Variants in PPFIA2 observed in about 807,000 individuals in gnomAD.
PPFIA2 encodes the protein PPFI scaffold protein A2.
A neutral mutation model predicts 175.5 loss-of-function variants in PPFIA2; 46 were observed. That is an observed-to-expected ratio of 0.26 (90% CI 0.21 to 0.34). The LOEUF is 0.34. PPFIA2 is among the 10% of genes least tolerant of loss of function. The probability of loss-of-function intolerance (pLI) is 1.00; values close to 1 mark genes in which losing one functional copy is unlikely to be tolerated. For synonymous variants in PPFIA2, 568 were observed against 511.4 expected, an observed-to-expected ratio of 1.11 and a Z score of -1.49; for missense variants, 1,179 against 1,506.1, an observed-to-expected ratio of 0.78 and a Z score of 3.60.
intron 3 of PPFIA2, among the ~76,000 whole-genome samples, chr12:81,678,850 T>C (rs528778316): frequency 2.0e-5 from 3 of 151,950 alleles, no homozygotes; most frequent in Middle Eastern, 3.4e-3. Flanking sequence ...AATATCCTAA[T>C]TATATCGGCA....
intron 2 of PPFIA2, among the ~76,000 whole-genome samples, chr12:81,755,055 A>G (rs1326158368): frequency 6.6e-6 from 1 of 152,186 alleles, no homozygotes; most frequent in Non-Finnish European, 1.5e-5. Flanking sequence ...CAAACAATAC[A>G]AACTAGCACT....
At chr12:81,325,450 G>T (rs975451602) in intron 22 of PPFIA2, among the ~76,000 whole-genome samples, 1 of 152,008 alleles carries the variant, frequency 6.6e-6, no homozygotes, top group South Asian at 2.1e-4. Context: ...AAGCTAGATG[G>T]TATAATCTCA....
chr12:81,431,697 A>G (rs970180675), intron 7 of PPFIA2, among the ~76,000 whole-genome samples: 1 of 152,150 alleles, frequency 6.6e-6, no homozygotes, highest in African/African-American at 2.4e-5. Flanking sequence ...TTTTAAATCT[A>G]TCCTTAAACA....
chr12:81,378,071 C>T (rs2036794865), intron 9 of PPFIA2: 1 of 152,146 alleles, frequency 6.6e-6, no homozygotes, highest in African/African-American at 2.4e-5. Flanking sequence ...AGTTGTACTG[C>T]TACCAGCCAA....
chr12:81,648,743 G>A (rs10778819), intron 4 of PPFIA2, among the ~76,000 whole-genome samples: 70,007 of 151,566 alleles, frequency 0.46, 17,579 homozygotes, highest in Middle Eastern at 0.6. Context: ...TCAAGGATTA[G>A]TATAAAATTG....
At chr12:81,497,255 A>G (rs2060116756) in intron 4 of PPFIA2, among the ~76,000 whole-genome samples, 1 of 152,170 alleles carries the variant, frequency 6.6e-6, no homozygotes, top group South Asian at 2.1e-4. Flanking sequence ...AAGCAATTGC[A>G]CCAAGCCCAC....
intron 4 of PPFIA2, among the ~76,000 whole-genome samples, chr12:81,523,432 C>T (rs566400626): frequency 1.3e-5 from 2 of 152,244 alleles, no homozygotes; most frequent in African/African-American, 4.8e-5. Flanking sequence ...AAAAGTATTT[C>T]AACATAAATG....
rs11365242 is a variant in PPFIA2 at position 81,658,295 on chromosome 12, GAA to G, written c.303+18494_303+18495del. On this transcript the variant is annotated intron_variant, in intron 4 of 32. Coordinates refer to ENST00000549396, the MANE Select transcript of PPFIA2 (RefSeq NM_003625.5). The stretch of plus-strand genomic sequence containing the variant: ...AAAAAAAAAAAAAAAGAAAAGAAAA[GAA>G]AAAAAAAAATGATTGCTAACCAATT... 4.2e-4 allele frequency among the ~76,000 whole-genome samples: 47 copies of G among 111,838 alleles called. No homozygotes were observed. In the East Asian group the frequency reaches 6.2e-3, roughly 15 times the overall value. The allele number at this position is 111,838 out of a possible 152,430, so 73.4% of individuals were successfully genotyped here.
At chr12:81,478,814 T>C (rs1302248011) in intron 4 of PPFIA2, among the ~76,000 whole-genome samples, 1 of 152,066 alleles carries the variant, frequency 6.6e-6, no homozygotes, top group African/African-American at 2.4e-5. Flanking sequence ...TTTTGCATTA[T>C]CTGAGGAGTG....
At chr12:81,466,492 C>T (rs911480160) in intron 4 of PPFIA2, among the ~76,000 whole-genome samples, 4 of 152,136 alleles carry the variant, frequency 2.6e-5, no homozygotes, top group Non-Finnish European at 4.4e-5. Context: ...CTCAGGCTGT[C>T]TGTCCATCAA....
chr12:81,400,245 G>A (rs531770923), intron 8 of PPFIA2, among the ~76,000 whole-genome samples: 2 of 152,034 alleles, frequency 1.3e-5, no homozygotes, highest in African/African-American at 4.8e-5. Context: ...GAAATACTTT[G>A]TCTCCACTGA....
At chr12:81,368,586 T>A in intron 13 of PPFIA2, 139 bp downstream of exon 13, 1 of 907,904 alleles carries the variant, frequency 1.1e-6, no homozygotes. Flanking sequence ...AAAATATGCA[T>A]TCCTTTCTAA....
intron 6 of PPFIA2, among the ~76,000 whole-genome samples, chr12:81,444,500 A>C (rs2050852954): frequency 6.6e-6 from 1 of 152,120 alleles, no homozygotes; most frequent in Admixed American, 6.6e-5. Context: ...TTTTTATATA[A>C]TATTCATTTC....
chr12:81,359,970 T>C (rs2061380901), intron 15 of PPFIA2, among the ~76,000 whole-genome samples: 1 of 151,938 alleles, frequency 6.6e-6, no homozygotes, highest in African/African-American at 2.4e-5. Context: ...TTCTTTCAAT[T>C]CCAGTAACTC....
At chr12:81,280,308 A>C (rs1181445180) in intron 27 of PPFIA2, among the ~76,000 whole-genome samples, 2 of 152,212 alleles carry the variant, frequency 1.3e-5, no homozygotes, top group Non-Finnish European at 2.9e-5. Flanking sequence ...TTTAAAAAAC[A>C]CTGTTATATT....
chr12:81,380,715 G>A (rs1275159796), intron 9 of PPFIA2, among the ~76,000 whole-genome samples: 4 of 152,108 alleles, frequency 2.6e-5, no homozygotes, highest in Admixed American at 6.6e-5. Flanking sequence ...TGCTGCCGAG[G>A]AGGGAACTGC....
At chr12:81,263,507 C>T (rs750137606) in intron 30 of PPFIA2, 117 bp from the exon 31 acceptor site, 1,095 of 824,788 alleles carry the variant, frequency 1.3e-3, no homozygotes, top group Non-Finnish European at 1.8e-3. Context: ...GTCAAGTATA[C>T]GTATGGAATC....
intron 8 of PPFIA2, among the ~76,000 whole-genome samples, chr12:81,384,844 C>T (rs941067834): frequency 2.0e-5 from 3 of 152,068 alleles, no homozygotes; most frequent in Non-Finnish European, 4.4e-5. Flanking sequence ...CATGTGTGCA[C>T]ACAACTCACA....
intron 4 of PPFIA2, 177 bp downstream of exon 4, chr12:81,676,614 A>G (rs2072558742): frequency 2.6e-6 from 1 of 390,812 alleles, no homozygotes; most frequent in Non-Finnish European, 4.5e-6. Context: ...ACTTTTTAAT[A>G]AAAACACCAG....
Sources: gnomAD v4.1 joint callset for allele counts (sites outside exome capture counted in the v4.1 genomes callset) on GRCh38, gnomAD v4.1.1 for gene constraint, MANE v1.5 for transcripts, NCBI Gene and HGNC (gene_info 2026-07-23, HGNC 2026-07-21) for gene names.